The following MYH10 variants were observed in gnomAD, a reference collection of about 807,000 sequenced individuals.
The protein encoded by MYH10 is myosin heavy chain 10.
A neutral mutation model predicts 257.8 loss-of-function variants in MYH10; 55 were observed. The ratio of observed to expected loss-of-function variants is 0.21; its 90% CI spans 0.17 to 0.27. The LOEUF is 0.27. Among genes scored for constraint, MYH10 ranks in the 10% least tolerant of loss-of-function variants. MYH10 has a pLI of 1.00. For missense variants in MYH10, 1,631 were observed against 2,500.6 expected, an observed-to-expected ratio of 0.65 and a Z score of 7.42; for synonymous variants, 854 against 921.7, an observed-to-expected ratio of 0.93 and a Z score of 1.33.
At chr17:8,617,631 G>A (rs1039054073) in intron 2 of MYH10, among the ~76,000 whole-genome samples, 1 of 152,102 alleles carries the variant, frequency 6.6e-6, no homozygotes, top group Non-Finnish European at 1.5e-5. Flanking sequence ...ACACCTTACA[G>A]AAAGGCATGC....
At chr17:8,629,139 C>T (rs1204677541) in intron 1 of MYH10, among the ~76,000 whole-genome samples, 4 of 152,024 alleles carry the variant, frequency 2.6e-5, no homozygotes, top group Non-Finnish European at 4.4e-5. Context: ...GGAGATAAAA[C>T]AATAAATAGA....
chr17:8,603,090 G>C (rs374823069), intron 3 of MYH10, among the ~76,000 whole-genome samples: 1 of 152,054 alleles, frequency 6.6e-6, no homozygotes, highest in Non-Finnish European at 1.5e-5. Context: ...CCCACTAATG[G>C]GATATAATGT....
At chr17:8,549,388 C>T (rs1301644660) in intron 9 of MYH10, among the ~76,000 whole-genome samples, 3 of 152,172 alleles carry the variant, frequency 2.0e-5, no homozygotes, top group African/African-American at 4.8e-5. Context: ...AACAGGTACC[C>T]GCACTGACTA....
rs116171359 is a variant in MYH10, at chr17:8,506,832, G to A, written c.3215-343C>T. 1.3e-5 allele frequency among the ~76,000 whole-genome samples: 2 copies of A among 152,330 alleles called. No homozygotes were observed. Among genetic ancestry groups the A allele is most frequent in the African/African-American group, 4.8e-5 (2 of 41,576 alleles). On this transcript the variant is annotated intron_variant, in intron 26 of 42. Coordinates refer to ENST00000360416, the MANE Select transcript of MYH10 (RefSeq NM_001256012.3). The surrounding 1 kb of genome is among the most constrained non-coding windows in gnomAD (Gnocchi z 5.0). ...GTACCCAGGTTTGCAAAGTGGCTCA[G>A]CAGGTGCTGGGGCAGCAATCGTAGC... is the stretch of plus-strand genomic sequence containing the variant.
intron 2 of MYH10, among the ~76,000 whole-genome samples, chr17:8,607,704 CT>C (rs1365951378): frequency 6.6e-6 from 1 of 152,124 alleles, no homozygotes; most frequent in East Asian, 1.9e-4. Context: ...TTCAAATGAA[CT>C]TAACTAAGTA....
intron 16 of MYH10, among the ~76,000 whole-genome samples, chr17:8,532,897 T>C (rs1188529813): frequency 6.6e-6 from 1 of 152,188 alleles, no homozygotes; most frequent in African/African-American, 2.4e-5. Flanking sequence ...AACACCATTT[T>C]TGGTTAAGGG....
intron 30 of MYH10, among the ~76,000 whole-genome samples, chr17:8,495,745 T>G (rs1916488159): frequency 6.6e-6 from 1 of 151,874 alleles, no homozygotes; most frequent in African/African-American, 2.4e-5. Flanking sequence ...AGTCTCACCC[T>G]GTCGCCCTGG....
At chr17:8,560,798 C>T (rs1458013707) in intron 7 of MYH10, 4 of 594,926 alleles carry the variant, frequency 6.7e-6, no homozygotes, top group Non-Finnish European at 3.2e-6. Flanking sequence ...ACAAATGGTT[C>T]CCAGTTTTTC....
chr17:8,481,010 C>A lies in MYH10; in HGVS notation c.5264+312G>T, dbSNP rs184977110. ...TCAGAGAAAGGTCCTATCTGAGGAA[C>A]CTGCTTGCCAAAGCTAGCTGGAAAG... On this transcript the variant is annotated intron_variant, in intron 38 of 42. Coordinates refer to ENST00000360416, the MANE Select transcript of MYH10 (RefSeq NM_001256012.3). 1.8e-3 allele frequency among the ~76,000 whole-genome samples: 277 copies of A among 152,332 alleles called. 4 individuals are homozygous for A. The highest frequency in any genetic ancestry group is 6.5e-3 in the African/African-American group (270 of 41,578).
In MYH10 at chr17:8,491,897, C is replaced by G. The variant is rs192615341; in HGVS notation, c.4671+400G>C. 2.3e-4 allele frequency among the ~76,000 whole-genome samples: 35 copies of G among 152,316 alleles called. No homozygotes were observed. In the East Asian group the frequency reaches 6.7e-3, roughly 29 times the overall value. ...AACAGTGGGGCCTCCCTGGGAAGAA[C>G]CAGGTCAGAGGGAGCTGCCATTCCC... On this transcript the variant is annotated intron_variant, in intron 34 of 42. Coordinates refer to ENST00000360416, the MANE Select transcript of MYH10 (RefSeq NM_001256012.3).
chr17:8,541,236 T>G (rs1488380266), intron 14 of MYH10, among the ~76,000 whole-genome samples: 2 of 152,186 alleles, frequency 1.3e-5, no homozygotes, highest in Non-Finnish European at 2.9e-5. Context: ...AACCAGAGAT[T>G]GAGCAGCAAG....
chr17:8,547,562 G>A (rs1274880671), intron 11 of MYH10, among the ~76,000 whole-genome samples: 2 of 151,682 alleles, frequency 1.3e-5, no homozygotes, highest in Non-Finnish European at 2.9e-5. Flanking sequence ...ATTATTTCAA[G>A]GGCAGATAAT....
chr17:8,591,416 CTG>C (rs1260117338), intron 3 of MYH10, among the ~76,000 whole-genome samples: 1 of 152,162 alleles, frequency 6.6e-6, no homozygotes, highest in Non-Finnish European at 1.5e-5. Context: ...CTGCCACAAA[CTG>C]TGTATCTATA....
At chr17:8,523,538 A>G (rs931840451) in intron 17 of MYH10, among the ~76,000 whole-genome samples, 2 of 152,160 alleles carry the variant, frequency 1.3e-5, no homozygotes, top group African/African-American at 2.4e-5. Flanking sequence ...TATGTGAAAG[A>G]CCAGGGGCAG....
chr17:8,540,410 A>T (rs1380197592), intron 14 of MYH10, among the ~76,000 whole-genome samples: 18 of 152,206 alleles, frequency 1.2e-4, no homozygotes. Context: ...AAAAAAAAAT[A>T]TGCAAAAATG....
chr17:8,523,896 C>T (rs963116472), intron 17 of MYH10, among the ~76,000 whole-genome samples: 3 of 151,994 alleles, frequency 2.0e-5, no homozygotes, highest in Non-Finnish European at 4.4e-5. Context: ...GTAGGGAAGA[C>T]AAGGAGGGAA....
At chr17:8,520,752 G>A in intron 19 of MYH10, 126 bp downstream of exon 19, 2 of 1,043,380 alleles carry the variant, frequency 1.9e-6, no homozygotes, top group South Asian at 1.8e-5. Flanking sequence ...CTCACTATAT[G>A]TTTGCTATAT....
intron 2 of MYH10, 103 bp from the exon 3 acceptor site, chr17:8,605,085 C>CT: frequency 1.7e-6 from 1 of 594,864 alleles, no homozygotes; most frequent in Non-Finnish European, 2.6e-6. Context: ...AGCAGGAGAT[C>CT]TTTACCTTTT....
At chr17:8,580,222 G>C (rs941797771) in intron 4 of MYH10, among the ~76,000 whole-genome samples, 2 of 151,932 alleles carry the variant, frequency 1.3e-5, no homozygotes, top group African/African-American at 4.8e-5. Flanking sequence ...ACTAACCAGA[G>C]CACCCACCAT....
Sources: gnomAD v4.1 joint callset for allele counts (sites outside exome capture counted in the v4.1 genomes callset) on GRCh38, gnomAD v4.1.1 for gene constraint, Gnocchi (gnomAD v3.1) non-coding constraint, MANE v1.5 for transcripts, NCBI Gene and HGNC (gene_info 2026-07-23, HGNC 2026-07-21) for gene names.